Variants in CPOX observed in about 807,000 individuals in gnomAD.
CPOX encodes the protein oxygen-dependent coproporphyrinogen-III oxidase, mitochondrial.
CPOX carries 24 observed loss-of-function variants against 48.9 expected under a neutral mutation model. That is an observed-to-expected ratio of 0.49 (90% CI 0.36 to 0.69). The LOEUF (loss-of-function observed/expected upper bound fraction) is 0.69. Ranked by LOEUF, CPOX falls within the 30% of genes least tolerant of loss-of-function variation. The probability of loss-of-function intolerance (pLI) is 0.00; values close to 1 mark genes in which losing one functional copy is unlikely to be tolerated. For missense variants in CPOX, 549 were observed against 597.3 expected (o/e 0.92, Z 0.84); for synonymous variants, 249 against 234.6 (o/e 1.06, Z -0.56).
intron 5 of CPOX, 29 bp from the exon 6 acceptor site, chr3:98,581,540 G>A (rs1707259572): frequency 6.5e-7 from 1 of 1,530,082 alleles, no homozygotes; most frequent in Admixed American, 1.7e-5. Context: ...ATAACATTAA[G>A]GGCCAGCTCA....
chr3:98,584,937 C>T (rs1235134914), intron 5 of CPOX, among the ~76,000 whole-genome samples: 2 of 152,162 alleles, frequency 1.3e-5, no homozygotes, highest in East Asian at 3.9e-4. Flanking sequence ...GTCTCTTGGG[C>T]AACAGACTTA....
At chr3:98,591,219 T>TG in intron 1 of CPOX, 64 bp from the exon 2 acceptor site, 2 of 1,552,904 alleles carry the variant, frequency 1.3e-6, no homozygotes, top group African/African-American at 2.7e-5. Flanking sequence ...AAGCAACACT[T>TG]GCATGAAGAT....
At chr3:98,572,378 AT>A in the CPOX span, among the ~76,000 whole-genome samples, 1 of 151,786 alleles carries the variant, frequency 6.6e-6, no homozygotes. Flanking sequence ...TATAGCTATC[AT>A]TTTTTACTTT....
At chr3:98,575,817 C>A (rs1707153678), downstream of CPOX, among the ~76,000 whole-genome samples, 1 of 151,870 alleles carries the variant, frequency 6.6e-6, no homozygotes, top group Non-Finnish European at 1.5e-5. Context: ...CCTGTAATCC[C>A]AGCACTTTGG....
downstream of CPOX, among the ~76,000 whole-genome samples, chr3:98,579,204 G>GTATA (rs1707205364): frequency 6.6e-6 from 1 of 152,194 alleles, no homozygotes; most frequent in Non-Finnish European, 1.5e-5. Context: ...TGTAAGAAGA[G>GTATA]TATATAATAC....
chr3:98,573,974 C>G, the CPOX span, among the ~76,000 whole-genome samples: 1 of 152,122 alleles, frequency 6.6e-6, no homozygotes, highest in African/African-American at 2.4e-5. Flanking sequence ...ATTTCTCTGC[C>G]CCCAGTTCGG....
downstream of CPOX, among the ~76,000 whole-genome samples, chr3:98,576,927 T>C (rs1046806168): frequency 6.6e-6 from 1 of 152,124 alleles, no homozygotes; most frequent in African/African-American, 2.4e-5. Flanking sequence ...AGATCCACCT[T>C]CAATATTTTG....
intron 3 of CPOX, among the ~76,000 whole-genome samples, chr3:98,590,117 TAG>T (rs1707448838): frequency 6.6e-6 from 1 of 152,380 alleles, no homozygotes; most frequent in Admixed American, 6.5e-5. Context: ...ATGGGAAGGT[TAG>T]AGTCAGTCAA....
chr3:98,593,602 A>G lies in CPOX; in HGVS notation c.-98T>C. 1 of 1,290,372 alleles carries G rather than the reference A, an allele frequency of 7.7e-7. No homozygotes were observed. The highest frequency in any genetic ancestry group is 1.4e-5 in the South Asian group (1 of 71,112). The allele number at this position is 1,290,372 out of a possible 1,614,324, so 79.9% of individuals were successfully genotyped here. On this transcript the variant is annotated 5_prime_UTR_variant, in exon 1 of 7. Coordinates refer to ENST00000647941, the MANE Select transcript of CPOX (RefSeq NM_000097.7). Reference sequence around the variant, plus strand: ...GGAGTATTGAGCCGGCGAGCTGCACAGGCGGAAAGAACCTTTCGAGAAGAG... The same window carrying G: ...GGAGTATTGAGCCGGCGAGCTGCACGGGCGGAAAGAACCTTTCGAGAAGAG...
In CPOX at chr3:98,590,620, T is replaced by G; in HGVS notation, c.811+12A>C. 6.4e-6 allele frequency: 10 copies of G among 1,566,326 alleles called. No individual in the cohort carries two copies. The highest frequency in any genetic ancestry group is 8.8e-6 in the Non-Finnish European group (10 of 1,136,586). On this transcript the variant is annotated intron_variant, in intron 3 of 6. Transcript: ENST00000647941. ...GCACGACAGTACTTTCCGTAGCTCC[T>G]GAGACCCTTACCATCAGCTTCTTCT...
the CPOX span, among the ~76,000 whole-genome samples, chr3:98,573,575 CA>C: frequency 0.78 from 118,497 of 151,038 alleles, 46,729 homozygotes; most frequent in African/African-American, 0.87. Context: ...CACTCCCTGC[CA>C]AAAAAAAACA....
chr3:98,590,195 T>C (rs1240491207), intron 3 of CPOX, among the ~76,000 whole-genome samples: 1 of 152,274 alleles, frequency 6.6e-6, no homozygotes, highest in East Asian at 1.9e-4. Context: ...TCACCCAGGC[T>C]GGAGTGCAGT....
chr3:98,589,233 C>A (rs921357629), intron 3 of CPOX, among the ~76,000 whole-genome samples: 4 of 152,236 alleles, frequency 2.6e-5, no homozygotes, highest in East Asian at 3.9e-4. Context: ...GCAGGAGAAT[C>A]ACTTGAACCC....
At chr3:98,592,831 T>C in intron 1 of CPOX, 118 bp downstream of exon 1, 1 of 1,150,126 alleles carries the variant, frequency 8.7e-7, no homozygotes, top group South Asian at 1.3e-5. Context: ...GCGGCCTCTC[T>C]GTGGGTACCC....
the CPOX span, among the ~76,000 whole-genome samples, chr3:98,572,685 T>C: frequency 6.6e-6 from 1 of 152,212 alleles, no homozygotes; most frequent in Non-Finnish European, 1.5e-5. Context: ...ACAGTGTCCA[T>C]TAGTTTTCTC....
intron 4 of CPOX, among the ~76,000 whole-genome samples, chr3:98,586,761 G>A (rs367945724): frequency 6.6e-6 from 1 of 152,036 alleles, no homozygotes; most frequent in Non-Finnish European, 1.5e-5. Flanking sequence ...TGGCTAACAC[G>A]GTGAAACCCC....
At chr3:98,573,895 C>T in the CPOX span, among the ~76,000 whole-genome samples, 1 of 152,132 alleles carries the variant, frequency 6.6e-6, no homozygotes, top group South Asian at 2.1e-4. Flanking sequence ...CTTTAAATTT[C>T]CTTCCTCCTA....
intron 1 of CPOX, 42 bp downstream of exon 1, chr3:98,592,907 T>G: frequency 6.3e-7 from 1 of 1,582,592 alleles, no homozygotes; most frequent in Non-Finnish European, 8.6e-7. Context: ...ACCTGACCCT[T>G]TTTCCCTGTC....
intron 5 of CPOX, 92 bp downstream of exon 5, chr3:98,585,349 C>T (rs969810020): frequency 1.0e-6 from 1 of 974,912 alleles, no homozygotes. Context: ...ACAACTATTA[C>T]AAAGTATCTG....
Sources: gnomAD v4.1 joint callset for allele counts (sites outside exome capture counted in the v4.1 genomes callset) on GRCh38, gnomAD v4.1.1 for gene constraint, MANE v1.5 for transcripts, NCBI Gene and HGNC (gene_info 2026-07-23, HGNC 2026-07-21) for gene names.